Variants in IGF2BP2 observed in about 807,000 individuals in gnomAD.
IGF2BP2 encodes the protein insulin like growth factor 2 mRNA binding protein 2.
Under a neutral mutation model 75.8 loss-of-function variants are expected in IGF2BP2, and 17 were observed. That is an observed-to-expected ratio of 0.22 (90% confidence interval 0.15 to 0.34). IGF2BP2 has a LOEUF of 0.34. Among genes scored for constraint, IGF2BP2 ranks in the 10% least tolerant of loss-of-function variants. IGF2BP2 has a pLI of 1.00. For synonymous variants in IGF2BP2, 288 were observed against 295.6 expected (o/e 0.97, Z 0.26); for missense variants, 516 against 772.4 (o/e 0.67, Z 3.93).
intron 2 of IGF2BP2, among the ~76,000 whole-genome samples, chr3:185,765,752 T>G (rs1396322358): frequency 2.0e-5 from 3 of 152,226 alleles, no homozygotes; most frequent in African/African-American, 7.2e-5. Context: ...TATCTTTGAC[T>G]TTCATTGGCT....
chr3:185,811,026 C>G (rs1285796725), intron 2 of IGF2BP2, among the ~76,000 whole-genome samples: 1 of 151,872 alleles, frequency 6.6e-6, no homozygotes, highest in African/African-American at 2.4e-5. Context: ...TGAAATACTA[C>G]ATAAACTTAT....
chr3:185,680,198 A>G (rs547239720), intron 7 of IGF2BP2, among the ~76,000 whole-genome samples: 101 of 152,292 alleles, frequency 6.6e-4, no homozygotes, highest in African/African-American at 2.2e-3. Flanking sequence ...AAATTTAATA[A>G]CCTAGAAGAA....
At chr3:185,681,249 A>G (rs1720343255) in intron 7 of IGF2BP2, among the ~76,000 whole-genome samples, 1 of 152,250 alleles carries the variant, frequency 6.6e-6, no homozygotes, top group African/African-American at 2.4e-5. Context: ...GGATACAAAA[A>G]TCAATCAACA....
intron 2 of IGF2BP2, among the ~76,000 whole-genome samples, chr3:185,704,805 C>A (rs1723781771): frequency 2.0e-5 from 3 of 152,072 alleles, no homozygotes; most frequent in Non-Finnish European, 4.4e-5. Context: ...ACGGGAGGAT[C>A]ACAGAGACTG....
chr3:185,731,246 CTTTTTTTTT>C (rs760172663), intron 2 of IGF2BP2, among the ~76,000 whole-genome samples: 1 of 129,254 alleles, frequency 7.7e-6, no homozygotes, highest in African/African-American at 2.9e-5. Context: ...GCATCACTTT[CTTTTTTTTT>C]TTTTTTTTTG....
intron 2 of IGF2BP2, among the ~76,000 whole-genome samples, chr3:185,780,105 T>C (rs147808995): frequency 9.7e-4 from 148 of 152,312 alleles, no homozygotes; most frequent in African/African-American, 3.5e-3. Context: ...AGTTGTGGAA[T>C]GTTCCACTTA....
chr3:185,799,313 G>A (rs1350461628), intron 2 of IGF2BP2, among the ~76,000 whole-genome samples: 5 of 152,114 alleles, frequency 3.3e-5, no homozygotes, highest in Admixed American at 1.3e-4. Context: ...TGGGAGAATC[G>A]CTTGAGCCCA....
intron 2 of IGF2BP2, among the ~76,000 whole-genome samples, chr3:185,750,979 G>A (rs1730885077): frequency 6.6e-6 from 1 of 152,236 alleles, no homozygotes; most frequent in Admixed American, 6.5e-5. Context: ...CACTCTGGGA[G>A]GCCAATGTGG....
intron 2 of IGF2BP2, among the ~76,000 whole-genome samples, chr3:185,714,541 T>C (rs1024425612): frequency 6.6e-6 from 1 of 152,182 alleles, no homozygotes; most frequent in African/African-American, 2.4e-5. Context: ...ATCTGAAACA[T>C]GGGAGCTGAA....
At chr3:185,755,067 T>C (rs1731432624) in intron 2 of IGF2BP2, among the ~76,000 whole-genome samples, 1 of 152,152 alleles carries the variant, frequency 6.6e-6, no homozygotes, top group African/African-American at 2.4e-5. Flanking sequence ...AGTGCTAACA[T>C]CCAAGACAAT....
intron 10 of IGF2BP2, among the ~76,000 whole-genome samples, chr3:185,665,012 A>T (rs557835683): frequency 3.3e-5 from 5 of 151,890 alleles, no homozygotes. Context: ...ACCGGGGGGG[A>T]AAAACAGACA....
At chr3:185,790,779 A>G (rs553280320) in intron 2 of IGF2BP2, among the ~76,000 whole-genome samples, 22 of 152,352 alleles carry the variant, frequency 1.4e-4, no homozygotes, top group Admixed American at 1.0e-3. Flanking sequence ...TTAATAATTT[A>G]GTAGCAGAAT....
intron 2 of IGF2BP2, among the ~76,000 whole-genome samples, chr3:185,820,107 G>T (rs1289676854): frequency 6.6e-6 from 1 of 151,836 alleles, no homozygotes; most frequent in Non-Finnish European, 1.5e-5. Context: ...GGCAGAAACT[G>T]CATTTTTCAA....
chr3:185,708,749 G>GA (rs1230120537), intron 2 of IGF2BP2, among the ~76,000 whole-genome samples: 1 of 152,256 alleles, frequency 6.6e-6, no homozygotes, highest in African/African-American at 2.4e-5. Flanking sequence ...GGGAAGGGCA[G>GA]AGTGAATCCC....
Position 185,675,796 on chromosome 3 carries a change from G to A in IGF2BP2, c.930C>T (p.Ile310=), listed in dbSNP as rs772227624. ...IEHETGTKIT[I]SSLQDLSIYN... ...AATCTGAGTAAGTGGCTTACGATGA[G>A]ATTGTTATCTTGGTCCCTGTTTCAT... Residue 310 remains isoleucine, a synonymous_variant, in exon 8 of 16, where the codon ATC becomes ATT. Coordinates refer to ENST00000382199, the MANE Select transcript of IGF2BP2 (RefSeq NM_006548.6). 1 of 1,612,446 alleles carries A rather than the reference G, an allele frequency of 6.2e-7. No homozygotes were observed. The highest frequency in any genetic ancestry group is 8.5e-7 in the Non-Finnish European group (1 of 1,179,840).
At chr3:185,723,413 A>G (rs1000874105) in intron 2 of IGF2BP2, among the ~76,000 whole-genome samples, 3 of 152,180 alleles carry the variant, frequency 2.0e-5, no homozygotes, top group Non-Finnish European at 4.4e-5. Context: ...CACTTCATAA[A>G]CAAGGATGCT....
Position 185,643,653 on chromosome 3 carries a change from G to A in IGF2BP2, c.*1878C>T, listed in dbSNP as rs1389953068. On this transcript the variant is annotated 3_prime_UTR_variant, in exon 16 of 16. Coordinates refer to ENST00000382199, the MANE Select transcript of IGF2BP2 (RefSeq NM_006548.6). The stretch of plus-strand genomic sequence containing the variant: ...TGGATCCAGGTCACACCTACCGCCT[G>A]TCTGCCCAGGTCCCTCAGAGCTAGG... 6.6e-6 allele frequency: 1 copy of A among 152,378 alleles called. No individual in the cohort carries two copies. The highest frequency in any genetic ancestry group is 1.5e-5 in the Non-Finnish European group (1 of 68,024). 9.4% of individuals were successfully genotyped at this position (152,378 alleles called of 1,614,324 possible).
chr3:185,664,982 A>G (rs756836788), intron 10 of IGF2BP2, among the ~76,000 whole-genome samples: 11 of 152,038 alleles, frequency 7.2e-5, no homozygotes, highest in Non-Finnish European at 1.2e-4. Context: ...TTATTATAAA[A>G]GGCAAAAAAA....
intron 2 of IGF2BP2, among the ~76,000 whole-genome samples, chr3:185,794,150 G>A (rs567420212): frequency 6.6e-6 from 1 of 151,342 alleles, no homozygotes; most frequent in Non-Finnish European, 1.5e-5. Context: ...TATTTTGGGA[G>A]AGGTAGAGTC....
Sources: allele counts gnomAD v4.1 joint callset (sites outside exome capture counted in the v4.1 genomes callset), GRCh38; gene constraint gnomAD v4.1.1; transcripts MANE v1.5; gene names NCBI Gene and HGNC (gene_info 2026-07-23, HGNC 2026-07-21).